RAPGEF2: variants seen among roughly 807,000 people sequenced by gnomAD.
RAPGEF2 encodes the protein PDZ domain containing guanine nucleotide exchange factor (GEF) 1.
In RAPGEF2, 54 loss-of-function variants were observed where a neutral mutation model predicts 186.7. The ratio of observed to expected loss-of-function variants is 0.29; its 90% CI spans 0.23 to 0.36. The LOEUF (loss-of-function observed/expected upper bound fraction) is 0.36. Ranked by LOEUF, RAPGEF2 falls within the 10% of genes least tolerant of loss-of-function variation. The probability of loss-of-function intolerance (pLI) is 1.00; values close to 1 mark genes in which losing one functional copy is unlikely to be tolerated. For synonymous variants in RAPGEF2, 712 were observed against 705.9 expected (o/e 1.01, Z -0.14); for missense variants, 1,532 against 2,045.0 (o/e 0.75, Z 4.84).
chr4:159,235,255 A>G (rs780358089), intron 4 of RAPGEF2, among the ~76,000 whole-genome samples: 2 of 152,184 alleles, frequency 1.3e-5, no homozygotes, highest in Non-Finnish European at 2.9e-5. Context: ...TTGTGTGTCC[A>G]TCATTTCAAA....
chr4:159,349,146 A>G (rs1417835962), intron 25 of RAPGEF2, among the ~76,000 whole-genome samples: 1 of 152,240 alleles, frequency 6.6e-6, no homozygotes. Context: ...TTTCCTGTGT[A>G]TATGATTTCT....
intron 4 of RAPGEF2, among the ~76,000 whole-genome samples, chr4:159,214,023 G>A (rs1451729031): frequency 6.6e-6 from 1 of 152,184 alleles, no homozygotes; most frequent in Admixed American, 6.5e-5. Flanking sequence ...TTGAAGCAAG[G>A]TACAATTTAT....
intron 1 of RAPGEF2, among the ~76,000 whole-genome samples, chr4:159,139,381 G>A (rs568003762): frequency 6.6e-6 from 1 of 152,248 alleles, no homozygotes; most frequent in Non-Finnish European, 1.5e-5. Flanking sequence ...CTTCTATACA[G>A]TTTCTTCAAT....
Position 159,358,147 on chromosome 4 carries a change from A to T in RAPGEF2, c.*8A>T. Reference sequence around the variant, plus strand: ...CAAGTTTCTGCTGTTTGAGGCACAGACTTTTCTGGAAGCAGAGCGAGCCAC... The same window carrying T: ...CAAGTTTCTGCTGTTTGAGGCACAGTCTTTTCTGGAAGCAGAGCGAGCCAC... On this transcript the variant is annotated 3_prime_UTR_variant, in exon 30 of 30. Transcript: ENST00000691494. The T allele has an allele frequency of 6.2e-7, 1 of 1,611,160 alleles. No homozygotes were observed.
chr4:159,313,880 C>T (rs1764240485), intron 8 of RAPGEF2, among the ~76,000 whole-genome samples: 1 of 151,984 alleles, frequency 6.6e-6, no homozygotes. Flanking sequence ...GATAACTGTT[C>T]TAGGATTGAG....
chr4:159,339,415 A>G, intron 19 of RAPGEF2, 61 bp downstream of exon 19: 1 of 1,541,156 alleles, frequency 6.5e-7, no homozygotes, highest in Non-Finnish European at 8.8e-7. Context: ...ATCAAAGTCT[A>G]AGAGATGAGC....
chr4:159,130,104 G>A (rs1173598745), intron 1 of RAPGEF2, among the ~76,000 whole-genome samples: 1 of 152,230 alleles, frequency 6.6e-6, no homozygotes, highest in Non-Finnish European at 1.5e-5. Flanking sequence ...GCTAGTGGGA[G>A]TGTCTTTTAG....
chr4:159,270,696 G>A (rs1202907526), intron 7 of RAPGEF2, among the ~76,000 whole-genome samples: 1 of 152,094 alleles, frequency 6.6e-6, no homozygotes, highest in African/African-American at 2.4e-5. Context: ...ATAGACGTAC[G>A]ATAAATACCA....
chr4:159,126,201 C>T (rs1740282106), intron 1 of RAPGEF2, among the ~76,000 whole-genome samples: 1 of 152,142 alleles, frequency 6.6e-6, no homozygotes, highest in South Asian at 2.1e-4. Flanking sequence ...TTCAAACTTA[C>T]TGTGTAGCAT....
chr4:159,322,532 C>T (rs1359703525), intron 10 of RAPGEF2, 49 bp downstream of exon 10: 1 of 1,513,142 alleles, frequency 6.6e-7, no homozygotes, highest in Admixed American at 1.7e-5. Flanking sequence ...AAAGATATCT[C>T]AATACAGCAA....
chr4:159,150,023 C>T (rs2111188276), intron 1 of RAPGEF2, among the ~76,000 whole-genome samples: 1 of 152,232 alleles, frequency 6.6e-6, no homozygotes, highest in South Asian at 2.1e-4. Flanking sequence ...GTTTTTCTTG[C>T]TCTAGACTTC....
At chr4:159,243,031 T>C (rs1311792026) in intron 6 of RAPGEF2, among the ~76,000 whole-genome samples, 3 of 151,906 alleles carry the variant, frequency 2.0e-5, no homozygotes, top group Non-Finnish European at 4.4e-5. Flanking sequence ...ATTCCCCCTT[T>C]ATGGAAAGCT....
At chr4:159,217,388 C>T (rs1380704178) in intron 4 of RAPGEF2, among the ~76,000 whole-genome samples, 1 of 152,236 alleles carries the variant, frequency 6.6e-6, no homozygotes, top group Non-Finnish European at 1.5e-5. Flanking sequence ...GAGTACCTAA[C>T]GTTTAGCTCC....
intron 1 of RAPGEF2, among the ~76,000 whole-genome samples, chr4:159,159,113 G>A (rs1260639550): frequency 1.3e-5 from 2 of 152,086 alleles, no homozygotes; most frequent in Non-Finnish European, 2.9e-5. Flanking sequence ...ATTTCGACTG[G>A]GTCTGATGCC....
intron 4 of RAPGEF2, among the ~76,000 whole-genome samples, chr4:159,233,712 C>T (rs1752902188): frequency 1.3e-5 from 2 of 151,994 alleles, no homozygotes; most frequent in Non-Finnish European, 2.9e-5. Context: ...TCTCACAAAT[C>T]ACTAAAGAAC....
intron 1 of RAPGEF2, among the ~76,000 whole-genome samples, chr4:159,133,737 C>T (rs575928945): frequency 9.2e-5 from 14 of 152,284 alleles, no homozygotes; most frequent in Admixed American, 3.9e-4. Context: ...GTGCCTGCCA[C>T]CACGCCCAGC....
At chr4:159,128,554 A>G (rs1740637687) in intron 1 of RAPGEF2, among the ~76,000 whole-genome samples, 1 of 150,410 alleles carries the variant, frequency 6.6e-6, no homozygotes, top group East Asian at 1.9e-4. Flanking sequence ...CTAGTAGTTT[A>G]TTCACCCCTC....
chr4:159,302,146 A>T (rs181399633), intron 7 of RAPGEF2, among the ~76,000 whole-genome samples: 1 of 152,286 alleles, frequency 6.6e-6, no homozygotes, highest in Non-Finnish European at 1.5e-5. Flanking sequence ...AGATGAATAG[A>T]TTGTGGTATC....
intron 1 of RAPGEF2, among the ~76,000 whole-genome samples, chr4:159,179,712 G>A (rs1007128750): frequency 9.9e-5 from 15 of 152,164 alleles, no homozygotes; most frequent in Non-Finnish European, 1.8e-4. Context: ...GGAGAAATAG[G>A]AGTGACCACT....
Sources: allele counts gnomAD v4.1 joint callset (sites outside exome capture counted in the v4.1 genomes callset), GRCh38; gene constraint gnomAD v4.1.1; transcripts MANE v1.5; gene names NCBI Gene and HGNC (gene_info 2026-07-23, HGNC 2026-07-21).